EXOC4: variants seen among roughly 807,000 people sequenced by gnomAD.
EXOC4 encodes exocyst complex component 4.
Under a neutral mutation model 107.2 loss-of-function variants are expected in EXOC4, and 71 were observed. The observed-to-expected ratio is 0.66, with a 90% CI of 0.55 to 0.81. The LOEUF (loss-of-function observed/expected upper bound fraction) is 0.81. EXOC4 is among the 30% of genes least tolerant of loss of function. The probability of loss-of-function intolerance (pLI) is 0.00; values close to 1 mark genes in which losing one functional copy is unlikely to be tolerated. For synonymous variants in EXOC4, 456 were observed against 441.2 expected (o/e 1.03, Z -0.42); for missense variants, 1,108 against 1,189.6 (o/e 0.93, Z 1.01).
chr7:134,028,868 G>T (rs149671828), intron 17 of EXOC4, among the ~76,000 whole-genome samples: 1 of 152,152 alleles, frequency 6.6e-6, no homozygotes, highest in African/African-American at 2.4e-5. Flanking sequence ...TCACTTTTTC[G>T]CTGAGAGGAA....
Position 133,590,078 on chromosome 7 carries a change from C to G in EXOC4, c.1418-39967C>G, listed in dbSNP as rs193301275. 1.3e-3 allele frequency among the ~76,000 whole-genome samples: 199 copies of G among 152,038 alleles called. 1 individual carries two copies. Among genetic ancestry groups the G allele is most frequent in the African/African-American group, 4.5e-3 (187 of 41,494 alleles). ...AGATTGAATACCAGGCCACCACACA[C>G]AAGCTGAAGACCCCTGGCTCCTCTC... is the stretch of plus-strand genomic sequence containing the variant. On this transcript the variant is annotated intron_variant, in intron 9 of 17. Transcript: ENST00000253861.
At chr7:133,949,806 G>C (rs772031601) in intron 14 of EXOC4, among the ~76,000 whole-genome samples, 4 of 152,086 alleles carry the variant, frequency 2.6e-5, no homozygotes, top group Admixed American at 1.3e-4. Flanking sequence ...TTCAGAATTG[G>C]ATTTTATATT....
At position 134,011,622 on chromosome 7, in the gene EXOC4, C is replaced by T. The variant is rs1403919909; in HGVS notation, c.2687+3787C>T. 3.3e-5 allele frequency among the ~76,000 whole-genome samples: 5 copies of T among 152,048 alleles called. No individual in the cohort carries two copies. In the East Asian group the frequency reaches 7.7e-4, roughly 23 times the overall value. On this transcript the variant is annotated intron_variant, in intron 17 of 17. Coordinates refer to ENST00000253861, the MANE Select transcript of EXOC4 (RefSeq NM_021807.4). ...TAACACCCAAGACAGATTCCTCGCC[C>T]GGTTATTCCTTCATTTCTTCATTCC...
At chr7:133,503,240 A>G (rs1294926200) in intron 9 of EXOC4, among the ~76,000 whole-genome samples, 2 of 152,106 alleles carry the variant, frequency 1.3e-5, no homozygotes, top group Non-Finnish European at 2.9e-5. Context: ...CTCTATTTAA[A>G]TAAGGGTGGG....
chr7:134,079,585 AG>A, the EXOC4 span, among the ~76,000 whole-genome samples: 1 of 152,038 alleles, frequency 6.6e-6, no homozygotes, highest in South Asian at 2.1e-4. Context: ...ACCTCTGGAG[AG>A]TGTGTTCTGG....
chr7:133,539,908 G>A (rs1189136933), intron 9 of EXOC4, among the ~76,000 whole-genome samples: 2 of 152,004 alleles, frequency 1.3e-5, no homozygotes, highest in African/African-American at 4.8e-5. Flanking sequence ...AAGATTCTAA[G>A]GAGGCATGCC....
intron 10 of EXOC4, among the ~76,000 whole-genome samples, chr7:133,689,611 C>A (rs143610424): frequency 1.3e-4 from 20 of 152,274 alleles, no homozygotes; most frequent in African/African-American, 4.6e-4. Flanking sequence ...GACTAGATAT[C>A]AAAGGTAGTC....
chr7:133,636,468 T>A (rs1240608287), intron 10 of EXOC4, among the ~76,000 whole-genome samples: 1 of 152,190 alleles, frequency 6.6e-6, no homozygotes, highest in Non-Finnish European at 1.5e-5. Flanking sequence ...AATTGCTGCT[T>A]ATTTGCTTCA....
In EXOC4 at chr7:133,958,293, A is replaced by G. The variant is rs953285271; in HGVS notation, c.2206+20224A>G. ...CTTTTTTTTTCTCCCTCACATTTCA[A>G]AAACTGATAGTAACAATTACTAATG... is the stretch of plus-strand genomic sequence containing the variant. On this transcript the variant is annotated intron_variant, in intron 14 of 17. Coordinates refer to ENST00000253861, the MANE Select transcript of EXOC4 (RefSeq NM_021807.4). Among the ~76,000 whole-genome samples, 5 of 152,036 alleles carry G rather than the reference A, an allele frequency of 3.3e-5. No homozygotes were observed. In the East Asian group the frequency reaches 7.7e-4, roughly 23 times the overall value.
chr7:134,090,173 C>A, the EXOC4 span, among the ~76,000 whole-genome samples: 4 of 152,202 alleles, frequency 2.6e-5, no homozygotes, highest in African/African-American at 7.2e-5. Context: ...ACACACACAA[C>A]ACACATAAAT....
At chr7:133,782,115 C>G (rs936258495) in intron 10 of EXOC4, among the ~76,000 whole-genome samples, 3 of 152,156 alleles carry the variant, frequency 2.0e-5, no homozygotes, top group East Asian at 3.9e-4. Context: ...CAACTAGTAT[C>G]TTTGAAGCTT....
At chr7:133,662,978 C>A (rs538494485) in intron 10 of EXOC4, among the ~76,000 whole-genome samples, 1 of 152,002 alleles carries the variant, frequency 6.6e-6, no homozygotes, top group Non-Finnish European at 1.5e-5. Flanking sequence ...TCTTTGTTTT[C>A]CCTTTTGCAG....
chr7:133,265,432 G>T (rs962019268), intron 1 of EXOC4, among the ~76,000 whole-genome samples: 4 of 151,786 alleles, frequency 2.6e-5, no homozygotes, highest in African/African-American at 7.3e-5. Context: ...CACTGGAATT[G>T]TCCCAACAAG....
intron 7 of EXOC4, among the ~76,000 whole-genome samples, chr7:133,407,160 C>CT (rs1797240543): frequency 6.6e-6 from 1 of 152,150 alleles, no homozygotes; most frequent in Non-Finnish European, 1.5e-5. Context: ...AGATGTGGAT[C>CT]TGATCAAGTT....
At chr7:133,657,072 T>G (rs1290230951) in intron 10 of EXOC4, among the ~76,000 whole-genome samples, 1 of 152,174 alleles carries the variant, frequency 6.6e-6, no homozygotes, top group African/African-American at 2.4e-5. Flanking sequence ...TGGCATTTCC[T>G]CTAGGAATTG....
At chr7:133,417,269 G>A (rs1233180735) in intron 7 of EXOC4, among the ~76,000 whole-genome samples, 1 of 152,138 alleles carries the variant, frequency 6.6e-6, no homozygotes, top group Non-Finnish European at 1.5e-5. Context: ...GCAGGTTCCT[G>A]CCCAGTCAAA....
At chr7:133,388,789 C>T (rs1244474997) in intron 7 of EXOC4, among the ~76,000 whole-genome samples, 1 of 152,036 alleles carries the variant, frequency 6.6e-6, no homozygotes, top group Non-Finnish European at 1.5e-5. Flanking sequence ...TTAAATATTG[C>T]AATTTGATTA....
intron 9 of EXOC4, among the ~76,000 whole-genome samples, chr7:133,585,380 C>T (rs1034237094): frequency 6.6e-6 from 1 of 152,130 alleles, no homozygotes; most frequent in African/African-American, 2.4e-5. Flanking sequence ...TTTGTGCACT[C>T]TCATTCATGT....
intron 10 of EXOC4, among the ~76,000 whole-genome samples, chr7:133,752,463 G>A (rs773591069): frequency 3.3e-5 from 5 of 152,086 alleles, no homozygotes; most frequent in Non-Finnish European, 7.4e-5. Flanking sequence ...CTGGGATGAT[G>A]TTTTCTCGTT....
Sources: gnomAD v4.1 joint callset for allele counts (sites outside exome capture counted in the v4.1 genomes callset) on GRCh38, gnomAD v4.1.1 for gene constraint, MANE v1.5 for transcripts, NCBI Gene and HGNC (gene_info 2026-07-23, HGNC 2026-07-21) for gene names.